CBX1: variants seen among roughly 807,000 people sequenced by gnomAD.
CBX1 encodes chromobox 1, also known as chromobox protein homolog 1.
In CBX1, 10 loss-of-function variants were observed where a neutral mutation model predicts 25.1. That is an observed-to-expected ratio of 0.40 (90% CI 0.25 to 0.68). CBX1 has a LOEUF of 0.68. Ranked by LOEUF, CBX1 falls within the 30% of genes least tolerant of loss-of-function variation. The pLI, the probability that CBX1 is intolerant of heterozygous loss-of-function variation, is 0.40. For missense variants in CBX1, 106 were observed against 218.5 expected (o/e 0.49, Z 3.25); for synonymous variants, 63 against 79.4 (o/e 0.79, Z 1.10).
At chr17:48,094,114 CAAAAAAAAAAA>C (rs11459504) in intron 1 of CBX1, among the ~76,000 whole-genome samples, 12 of 50,836 alleles carry the variant, frequency 2.4e-4, no homozygotes, top group South Asian at 2.2e-3. Context: ...AACTCTGTCT[CAAAAAAAAAAA>C]AAAAAAAAAA....
intron 1 of CBX1, among the ~76,000 whole-genome samples, chr17:48,087,382 G>A (rs957793354): frequency 6.6e-5 from 10 of 150,982 alleles, no homozygotes; most frequent in African/African-American, 2.4e-4. Context: ...AGATCGGCCT[G>A]GCCAACATGG....
chr17:48,077,851 A>C (rs1037937694), intron 1 of CBX1, among the ~76,000 whole-genome samples: 8 of 152,078 alleles, frequency 5.3e-5, no homozygotes, highest in African/African-American at 1.9e-4. Context: ...ACGGTAGCTA[A>C]AATATTGCAT....
intron 1 of CBX1, among the ~76,000 whole-genome samples, chr17:48,098,755 C>A (rs2063389946): frequency 6.6e-6 from 1 of 152,134 alleles, no homozygotes; most frequent in African/African-American, 2.4e-5. Flanking sequence ...AGAAACTCTT[C>A]GTGGAAAGAA....
At chr17:48,084,111 A>G (rs1321478168) in intron 1 of CBX1, among the ~76,000 whole-genome samples, 2 of 149,398 alleles carry the variant, frequency 1.3e-5, no homozygotes, top group Non-Finnish European at 1.5e-5. Context: ...AGCTGGGACT[A>G]CAGGCTTGTA....
Position 48,076,912 on chromosome 17 carries a change from C to T in CBX1, c.93G>A (p.Val31=). 1.9e-6 allele frequency: 3 copies of T among 1,613,356 alleles called. No homozygotes were observed. The highest frequency in any genetic ancestry group is 1.7e-4 in the Middle Eastern group (1 of 5,768). ...GGAGGTACTCCACTTTGCCCTTTAC[C>T]ACTCGACGGTCGAGAACTTTTTCCA... ...YVVEKVLDRR[V]VKGKVEYLLK... The change falls in exon 2 of 5, where the codon GTG becomes GTA. Residue 31 remains valine, a synonymous_variant. Transcript: ENST00000225603.
At chr17:48,097,878 A>T (rs1032846253) in intron 1 of CBX1, among the ~76,000 whole-genome samples, 2 of 152,176 alleles carry the variant, frequency 1.3e-5, no homozygotes, top group African/African-American at 4.8e-5. Context: ...GCTACTGGTA[A>T]ATTATTGCTC....
chr17:48,086,371 C>T (rs1271232983), intron 1 of CBX1, among the ~76,000 whole-genome samples: 1 of 152,174 alleles, frequency 6.6e-6, no homozygotes, highest in Non-Finnish European at 1.5e-5. Flanking sequence ...CTTCAAGAAG[C>T]CAGTATGGCC....
chr17:48,098,260 A>AAAC (rs1567771506), intron 1 of CBX1, among the ~76,000 whole-genome samples: 7 of 150,610 alleles, frequency 4.6e-5, no homozygotes, highest in Non-Finnish European at 3.0e-5. Flanking sequence ...AAAAAAACAA[A>AAAC]AAACAAACAA....
At chr17:48,099,608 A>G (rs1007393414) in intron 1 of CBX1, among the ~76,000 whole-genome samples, 2 of 152,178 alleles carry the variant, frequency 1.3e-5, no homozygotes, top group African/African-American at 4.8e-5. Context: ...GAACACCGGC[A>G]TTAATTTCCC....
At chr17:48,077,441 T>TGG (rs372389257) in intron 1 of CBX1, among the ~76,000 whole-genome samples, 1 of 78,062 alleles carries the variant, frequency 1.3e-5, no homozygotes, top group African/African-American at 3.7e-5. Flanking sequence ...TTGTTTTTTT[T>TGG]TTTGTTTTTT....
In CBX1 at chr17:48,101,354, G is replaced by A. The variant is rs1232871319; in HGVS notation, c.-124C>T. 2.0e-6 allele frequency: 2 copies of A among 985,952 alleles called. No individual in the cohort carries two copies. Among genetic ancestry groups the A allele is most frequent in the Non-Finnish European group, 2.4e-6 (2 of 830,166 alleles). The allele number at this position is 985,952 out of a possible 1,614,324, so 61.1% of individuals were successfully genotyped here. On this transcript the variant is annotated 5_prime_UTR_variant, in exon 1 of 5. Coordinates refer to ENST00000225603, the MANE Select transcript of CBX1 (RefSeq NM_001127228.2). ...GGTCGCCTGGGGGAGTGGCGCCCAG[G>A]AAGGCAGCAAGCCGGGTGGCCGCAG... is the stretch of plus-strand genomic sequence containing the variant.
chr17:48,072,804 T>A (rs2037637802), intron 4 of CBX1, among the ~76,000 whole-genome samples: 2 of 149,886 alleles, frequency 1.3e-5, no homozygotes, highest in African/African-American at 4.9e-5. Flanking sequence ...GTTTTCAAAA[T>A]TTGAAAATCA....
chr17:48,096,086 G>T (rs1228819631), intron 1 of CBX1, among the ~76,000 whole-genome samples: 1 of 152,092 alleles, frequency 6.6e-6, no homozygotes, highest in Non-Finnish European at 1.5e-5. Context: ...CTCCATGTTG[G>T]TCAGGCTGGT....
intron 1 of CBX1, among the ~76,000 whole-genome samples, chr17:48,091,560 TGA>T (rs1410898691): frequency 4.2e-5 from 4 of 94,920 alleles, no homozygotes; most frequent in Non-Finnish European, 2.3e-5. Flanking sequence ...TTTTTTTTTT[TGA>T]GACAGAGTCT....
intron 1 of CBX1, among the ~76,000 whole-genome samples, chr17:48,095,167 C>A (rs1355767583): frequency 2.0e-5 from 3 of 152,176 alleles, no homozygotes; most frequent in African/African-American, 4.8e-5. Context: ...GCCTACCCAA[C>A]CTAGCTAAAT....
chr17:48,082,751 T>C (rs1248396015), intron 1 of CBX1, among the ~76,000 whole-genome samples: 1 of 150,052 alleles, frequency 6.7e-6, no homozygotes, highest in Non-Finnish European at 1.5e-5. Flanking sequence ...TTGGCCAGGC[T>C]GGTCTCAAAC....
chr17:48,078,809 T>TTTTTTG (rs2037702912), intron 1 of CBX1, among the ~76,000 whole-genome samples: 1 of 135,218 alleles, frequency 7.4e-6, no homozygotes. Flanking sequence ...TTTTTTTTTT[T>TTTTTTG]GAGACGGAGT....
chr17:48,093,918 G>A (rs757082318), intron 1 of CBX1, among the ~76,000 whole-genome samples: 8 of 150,040 alleles, frequency 5.3e-5, no homozygotes, highest in African/African-American at 1.5e-4. Flanking sequence ...TCAGGAGTTC[G>A]AGACCAGCCT....
intron 1 of CBX1, chr17:48,100,757 T>C (rs968932018): frequency 2.4e-5 from 24 of 985,360 alleles, no homozygotes; most frequent in African/African-American, 3.5e-5. Flanking sequence ...CAGCACACCT[T>C]GTGCGGCCCT....
Sources: gnomAD v4.1 joint callset for allele counts (sites outside exome capture counted in the v4.1 genomes callset) on GRCh38, gnomAD v4.1.1 for gene constraint, MANE v1.5 for transcripts, NCBI Gene and HGNC (gene_info 2026-07-23, HGNC 2026-07-21) for gene names.